The following IL2RA variants were observed in gnomAD, a reference collection of about 807,000 sequenced individuals.
IL2RA encodes the protein interleukin 2 receptor subunit alpha.
IL2RA carries 24 observed loss-of-function variants against 37.8 expected under a neutral mutation model. The ratio of observed to expected loss-of-function variants is 0.63; its 90% CI spans 0.46 to 0.89. The LOEUF is 0.89. IL2RA is among the 40% of genes least tolerant of loss of function. The pLI, the probability that IL2RA is intolerant of heterozygous loss-of-function variation, is 0.00. For synonymous variants in IL2RA, 125 were observed against 114.6 expected (o/e 1.09, Z -0.58); for missense variants, 319 against 348.6 (o/e 0.92, Z 0.68).
rs911825597 is a variant in IL2RA, at chr10:6,022,532, ACT to A, written c.368-841_368-840del. ...CTGCGCACGTGCTCTGAACTTCCAG[ACT>A]CTCCCCAACCCTGCATACCCAACAG... is the stretch of plus-strand genomic sequence containing the variant. On this transcript the variant is annotated intron_variant, in intron 3 of 7. Coordinates refer to ENST00000379959, the MANE Select transcript of IL2RA (RefSeq NM_000417.3). The surrounding 1 kb of genome is among the most constrained non-coding windows in gnomAD (Gnocchi z 4.7). Among the ~76,000 whole-genome samples the A allele has an allele frequency of 4.0e-4, 60 of 151,488 alleles. No homozygotes were observed. The highest frequency in any genetic ancestry group is 1.2e-3 in the African/African-American group (51 of 41,188).
chr10:6,030,547 T>C (rs966923937), intron 1 of IL2RA, among the ~76,000 whole-genome samples: 1 of 152,190 alleles, frequency 6.6e-6, no homozygotes, highest in South Asian at 2.1e-4. Flanking sequence ...AGAGACAATA[T>C]CCTCTAAAAA....
chr10:6,042,690 C>G (rs12569923), intron 1 of IL2RA, among the ~76,000 whole-genome samples: 3,468 of 152,162 alleles, frequency 0.023, 199 homozygotes, highest in East Asian at 0.2. Flanking sequence ...TAAAGGCCAA[C>G]AACCCAATAA....
rs1207016622 is a variant in IL2RA, at chr10:6,015,637, G to A, written c.794+2416C>T. Among the ~76,000 whole-genome samples the A allele has an allele frequency of 6.6e-6, 1 of 152,184 alleles. No individual in the cohort carries two copies. The highest frequency in any genetic ancestry group is 1.9e-4 in the East Asian group (1 of 5,200). The stretch of plus-strand genomic sequence containing the variant: ...TATATATATTTATGAGGTATGTAGG[G>A]ATGCTTTGATACCTACAAGGTACAG... On this transcript the variant is annotated intron_variant, in intron 7 of 7. Transcript: ENST00000379959. The surrounding 1 kb of genome is among the most constrained non-coding windows in gnomAD (Gnocchi z 4.9).
At chr10:6,034,855 G>T (rs780760540) in intron 1 of IL2RA, among the ~76,000 whole-genome samples, 1 of 152,230 alleles carries the variant, frequency 6.6e-6, no homozygotes, top group Non-Finnish European at 1.5e-5. Context: ...GGACCTGGGA[G>T]CTTGGGAGGC....
chr10:6,050,036 C>T (rs561186343), intron 1 of IL2RA, among the ~76,000 whole-genome samples: 165 of 152,226 alleles, frequency 1.1e-3, no homozygotes, highest in African/African-American at 3.8e-3. Flanking sequence ...GGCTGGGGAG[C>T]ATGTTGTGTG....
rs1007782392 is a variant in IL2RA, at chr10:6,046,692, A to G, written c.64+15396T>C. Reference sequence around the variant, plus strand: ...AGGAAATACAGGCTTGCATTTCTCCAGAGTTCCTTGAAAGCATTGGTGCTC... The same window carrying G: ...AGGAAATACAGGCTTGCATTTCTCCGGAGTTCCTTGAAAGCATTGGTGCTC... On this transcript the variant is annotated intron_variant, in intron 1 of 7. Coordinates refer to ENST00000379959, the MANE Select transcript of IL2RA (RefSeq NM_000417.3). The surrounding 1 kb of genome is among the most constrained non-coding windows in gnomAD (Gnocchi z 4.8). Among the ~76,000 whole-genome samples, 6 of 152,214 alleles carry G rather than the reference A, an allele frequency of 3.9e-5. No individual in the cohort carries two copies. Among genetic ancestry groups the G allele is most frequent in the Non-Finnish European group, 8.8e-5 (6 of 68,040 alleles).
chr10:6,025,903 G>C lies in IL2RA; in HGVS notation c.187C>G (p.Leu63Val). 6.2e-7 allele frequency: 1 copy of C among 1,614,210 alleles called. No homozygotes were observed. The stretch of plus-strand genomic sequence containing the variant: ...GAGTTTCCTGTACAGAGCATATAGA[G>C]TGACCCGCTTTTTATTCTGCGGAAA... ...RGFRRIKSGS[L>V]YMLCTGNSSH... is the part of the protein sequence containing the mutation. The change falls in exon 2 of 8, where the codon CTC becomes GTC. Residue 63 changes from leucine to valine, a missense_variant. Physicochemically the swap from Leu to Val is conservative, Grantham distance 32. Coordinates refer to ENST00000379959, the MANE Select transcript of IL2RA (RefSeq NM_000417.3). This position sits in a 1 kb window ranked among gnomAD's most constrained non-coding sequence, Gnocchi z 4.4.
In IL2RA at chr10:6,018,668, G is replaced by A. The variant is rs11256352; in HGVS notation, c.728-549C>T. Among the ~76,000 whole-genome samples, 11,193 of 152,172 alleles carry A rather than the reference G, an allele frequency of 0.074. 854 individuals carry two copies. Among genetic ancestry groups the A allele is most frequent in the African/African-American group, 0.19 (7,889 of 41,494 alleles). On this transcript the variant is annotated intron_variant, in intron 6 of 7. Coordinates refer to ENST00000379959, the MANE Select transcript of IL2RA (RefSeq NM_000417.3). The surrounding 1 kb of genome is among the most constrained non-coding windows in gnomAD (Gnocchi z 5.1). ...CACTCTTGACCCCTGGCAGAGGCCC[G>A]GGGTACAGCCCTTCCAGATCAGCTT...
chr10:6,062,234 G>A lies in IL2RA; in HGVS notation c.-83C>T, dbSNP rs1840133085. 1 of 1,212,448 alleles carries A rather than the reference G, an allele frequency of 8.2e-7. No homozygotes were observed. Among genetic ancestry groups the A allele is most frequent in the Non-Finnish European group, 1.2e-6 (1 of 817,928 alleles). The allele number at this position is 1,212,448 out of a possible 1,614,324, so 75.1% of individuals were successfully genotyped here. ...GCCCAGTTGCCGTCAGCCTCTTTTT[G>A]GCATCGCGCCGGAGGATGTGGGATG... On this transcript the variant is annotated 5_prime_UTR_variant, in exon 1 of 8. Transcript: ENST00000379959.
At chr10:6,060,220 C>T (rs551401735) in intron 1 of IL2RA, among the ~76,000 whole-genome samples, 1 of 152,302 alleles carries the variant, frequency 6.6e-6, no homozygotes, top group South Asian at 2.1e-4. Flanking sequence ...AAAGTATGCC[C>T]TCTTTATAAG....
Position 6,012,643 on chromosome 10 carries a change from G to A in IL2RA, c.*229C>T. On this transcript the variant is annotated 3_prime_UTR_variant, in exon 8 of 8. Coordinates refer to ENST00000379959, the MANE Select transcript of IL2RA (RefSeq NM_000417.3). The surrounding 1 kb of genome is among the most constrained non-coding windows in gnomAD (Gnocchi z 4.8). ...GCCCTTCCTCTTCAACGGCGAAATT[G>A]CTATTTAGAAGTGGGTAGCGCTCGC... 3.3e-6 allele frequency: 2 copies of A among 602,544 alleles called. No homozygotes were observed. Among genetic ancestry groups the A allele is most frequent in the Non-Finnish European group, 6.0e-6 (2 of 335,654 alleles). 37.3% of individuals were successfully genotyped at this position (602,544 alleles called of 1,614,324 possible). A position where few individuals can be genotyped will look rare whatever the true frequency, so the allele number is the denominator to read the frequency against.
Position 6,012,914 on chromosome 10 carries a change from A to T in IL2RA, c.795-18T>A. The T allele has an allele frequency of 6.2e-7, 1 of 1,613,752 alleles. No individual in the cohort carries two copies. Among genetic ancestry groups the T allele is most frequent in the Non-Finnish European group, 8.5e-7 (1 of 1,179,632 alleles). The stretch of plus-strand genomic sequence containing the variant: ...TCTTCCTCCTGTAGTGGTGTAACAA[A>T]GTCACGGTCATATGTGTAACACGGC... On this transcript the variant is annotated intron_variant, in intron 7 of 7. Transcript: ENST00000379959. The surrounding 1 kb of genome is among the most constrained non-coding windows in gnomAD (Gnocchi z 4.8).
chr10:6,061,739 T>C (rs1444220201), intron 1 of IL2RA, among the ~76,000 whole-genome samples: 1 of 152,110 alleles, frequency 6.6e-6, no homozygotes, highest in Non-Finnish European at 1.5e-5. Flanking sequence ...GTGCAGAGAA[T>C]AAAAGGAAAT....
intron 1 of IL2RA, among the ~76,000 whole-genome samples, chr10:6,042,467 CAT>C (rs976026835): frequency 1.3e-5 from 2 of 152,068 alleles, no homozygotes; most frequent in Admixed American, 1.3e-4. Flanking sequence ...ATGGTGGAAA[CAT>C]ATACAATTCC....
At chr10:6,050,399 G>C (rs2132893739) in intron 1 of IL2RA, among the ~76,000 whole-genome samples, 1 of 152,332 alleles carries the variant, frequency 6.6e-6, no homozygotes, top group South Asian at 2.1e-4. Flanking sequence ...CACTTTGGGA[G>C]GCTGAGACTG....
intron 1 of IL2RA, among the ~76,000 whole-genome samples, chr10:6,031,522 GTATATATATA>G: frequency 1.5e-5 from 1 of 67,120 alleles, no homozygotes; most frequent in Admixed American, 1.7e-4. Context: ...GTATATATAT[GTATATATATA>G]TCACTTGTAG....
rs1395481665 is a variant in IL2RA at position 6,057,391 on chromosome 10, G to A, written c.64+4697C>T. Among the ~76,000 whole-genome samples, 1 of 152,132 alleles carries A rather than the reference G, an allele frequency of 6.6e-6. No homozygotes were observed. The highest frequency in any genetic ancestry group is 1.5e-5 in the Non-Finnish European group (1 of 68,024). On this transcript the variant is annotated intron_variant, in intron 1 of 7. Transcript: ENST00000379959. The surrounding 1 kb of genome is among the most constrained non-coding windows in gnomAD (Gnocchi z 4.8). ...ACAAAAGTCGCTCAACCCTGACCGTGCCAGTATGTCTTCATTTGGGAAACT... is the reference window on the plus strand; with the variant it reads ...ACAAAAGTCGCTCAACCCTGACCGTACCAGTATGTCTTCATTTGGGAAACT...
rs1427820942 is a variant in IL2RA at position 6,054,068 on chromosome 10, C to A, written c.64+8020G>T. Among the ~76,000 whole-genome samples, 1 of 152,234 alleles carries A rather than the reference C, an allele frequency of 6.6e-6. No individual in the cohort carries two copies. Among genetic ancestry groups the A allele is most frequent in the African/African-American group, 2.4e-5 (1 of 41,466 alleles). On this transcript the variant is annotated intron_variant, in intron 1 of 7. Coordinates refer to ENST00000379959, the MANE Select transcript of IL2RA (RefSeq NM_000417.3). This position sits in a 1 kb window ranked among gnomAD's most constrained non-coding sequence, Gnocchi z 4.5. ...GTTCCTCTTCCTCCCAGCACAGTGA[C>A]CTTCCGGTCAACCCCACCCATGCCA...
In IL2RA at chr10:6,033,114, C is replaced by T. The variant is rs754111010; in HGVS notation, c.65-7089G>A. On this transcript the variant is annotated intron_variant, in intron 1 of 7. Transcript: ENST00000379959. The surrounding 1 kb of genome is among the most constrained non-coding windows in gnomAD (Gnocchi z 4.3). ...GTATTTGGCCAGGCATGGTGGCTCA[C>T]GCCTGTAATCTCAGCACTTTAGGAG... Among the ~76,000 whole-genome samples, 6 of 152,084 alleles carry T rather than the reference C, an allele frequency of 3.9e-5. No individual in the cohort carries two copies. The highest frequency in any genetic ancestry group is 7.4e-5 in the Non-Finnish European group (5 of 67,988).
Sources: gnomAD v4.1 joint callset for allele counts (sites outside exome capture counted in the v4.1 genomes callset) on GRCh38, gnomAD v4.1.1 for gene constraint, Gnocchi (gnomAD v3.1) non-coding constraint, MANE v1.5 for transcripts, NCBI Gene and HGNC (gene_info 2026-07-23, HGNC 2026-07-21) for gene names.